Variants in CHD2 observed in about 807,000 individuals in gnomAD.
CHD2 encodes the protein chromodomain helicase DNA binding protein 2, also known as ATP-dependent chromatin remodeler CHD2.
Under a neutral mutation model 243.9 loss-of-function variants are expected in CHD2, and 28 were observed. The ratio of observed to expected loss-of-function variants is 0.11; its 90% CI spans 0.09 to 0.16. The LOEUF (loss-of-function observed/expected upper bound fraction) is 0.16. Among genes scored for constraint, CHD2 ranks in the 10% least tolerant of loss-of-function variants. CHD2 has a pLI of 1.00. For missense variants in CHD2, 1,386 were observed against 2,209.8 expected (o/e 0.63, Z 7.47); for synonymous variants, 775 against 779.0 (o/e 0.99, Z 0.09).
chr15:93,015,044 T>TAAGA, intron 37 of CHD2, 135 bp downstream of exon 37: 1 of 725,456 alleles, frequency 1.4e-6, no homozygotes, highest in Non-Finnish European at 2.3e-6. Flanking sequence ...TCTCTTTTCT[T>TAAGA]AATGAGAGAA....
chr15:92,977,040 CATATT>C (rs1381209723), intron 20 of CHD2, among the ~76,000 whole-genome samples: 5 of 152,036 alleles, frequency 3.3e-5, no homozygotes, highest in African/African-American at 9.7e-5. Flanking sequence ...ATGCAGACGA[CATATT>C]ATAATCCACG....
At chr15:93,004,457 G>GT in intron 33 of CHD2, 160 bp from the exon 34 acceptor site, 1 of 578,258 alleles carries the variant, frequency 1.7e-6, no homozygotes, top group Non-Finnish European at 2.8e-6. Flanking sequence ...AATCAGACAG[G>GT]TTTGTCTTCA....
chr15:92,949,284 A>C (rs147332348), intron 13 of CHD2: 2 of 1,251,124 alleles, frequency 1.6e-6, no homozygotes, highest in Non-Finnish European at 1.0e-6. Context: ...ATTCTGATCT[A>C]AAGAATACTT....
intron 8 of CHD2, among the ~76,000 whole-genome samples, chr15:92,942,439 C>T (rs530670951): frequency 4.3e-5 from 6 of 138,402 alleles, no homozygotes; most frequent in African/African-American, 1.1e-4. Flanking sequence ...ATTCTGGCTT[C>T]GATTGAGGTT....
intron 2 of CHD2, among the ~76,000 whole-genome samples, chr15:92,913,211 G>A (rs1290267353): frequency 6.6e-6 from 1 of 152,172 alleles, no homozygotes; most frequent in East Asian, 1.9e-4. Context: ...AATAAGGTCA[G>A]TGTGGGACGG....
chr15:92,936,055 GA>G (rs1169348548), intron 5 of CHD2, among the ~76,000 whole-genome samples: 1 of 152,100 alleles, frequency 6.6e-6, no homozygotes, highest in Non-Finnish European at 1.5e-5. Flanking sequence ...AATGCATATG[GA>G]AACACGCAGT....
rs888826818 is a variant in CHD2 at position 93,025,058 on chromosome 15, A to G, written c.*353A>G. 6 of 241,020 alleles carry G rather than the reference A, an allele frequency of 2.5e-5. No homozygotes were observed. Among genetic ancestry groups the G allele is most frequent in the Admixed American group, 5.5e-5 (1 of 18,298 alleles). The allele number at this position is 241,020 out of a possible 1,614,324, so 14.9% of individuals were successfully genotyped here. On this transcript the variant is annotated 3_prime_UTR_variant, in exon 39 of 39. Transcript: ENST00000394196. ...TCAGAGTCATGAATGTTTTCTTGCC[A>G]GGGTCAGTGTTCCCAGGACCTTAGT... is the stretch of plus-strand genomic sequence containing the variant.
rs1596399266 is a variant in CHD2, at chr15:92,946,068, A to T, written c.1229A>T (p.Glu410Val). 6.3e-7 allele frequency: 1 copy of T among 1,598,950 alleles called. No individual in the cohort carries two copies. The highest frequency in any genetic ancestry group is 8.5e-7 in the Non-Finnish European group (1 of 1,171,316). ...AHSRKPAPSN[E>V]PEYLCKWMGL... ...AGTCGGAAGCCGGCACCCTCAAATG[A>T]GCCCGAATATCTATGTAAATGGATG... The change falls in exon 12 of 39, where the codon GAG becomes GTG. Residue 410 changes from glutamate to valine, a missense_variant. Coordinates refer to ENST00000394196, the MANE Select transcript of CHD2 (RefSeq NM_001271.4).
intron 2 of CHD2, among the ~76,000 whole-genome samples, chr15:92,923,413 A>G (rs540808623): frequency 2.0e-4 from 31 of 152,044 alleles, no homozygotes; most frequent in African/African-American, 7.5e-4. Flanking sequence ...GGCATGCACC[A>G]TCATACCCAG....
chr15:92,942,371 A>G (rs1460742858), intron 8 of CHD2, among the ~76,000 whole-genome samples: 1 of 151,854 alleles, frequency 6.6e-6, no homozygotes, highest in Non-Finnish European at 1.5e-5. Flanking sequence ...TGTAAAGGAA[A>G]TACCAAAATA....
At chr15:92,967,250 A>AT (rs904533702) in intron 16 of CHD2, 75 bp from the exon 17 acceptor site, 39 of 1,083,794 alleles carry the variant, frequency 3.6e-5, no homozygotes, top group East Asian at 2.8e-4. Context: ...GGAAAGATTC[A>AT]TTTTTTTACA....
At chr15:93,015,236 G>A (rs897485651) in intron 37 of CHD2, among the ~76,000 whole-genome samples, 4 of 152,192 alleles carry the variant, frequency 2.6e-5, no homozygotes, top group East Asian at 1.9e-4. Context: ...GCACCACCAC[G>A]CTGAGCTAAT....
At chr15:92,950,549 G>C (rs1054314271) in intron 13 of CHD2, 1 of 152,020 alleles carries the variant, frequency 6.6e-6, no homozygotes, top group Non-Finnish European at 1.5e-5. Context: ...TTTAGAATTA[G>C]AAGTACAGGC....
intron 32 of CHD2, 76 bp from the exon 33 acceptor site, chr15:93,002,101 T>A: frequency 6.6e-7 from 1 of 1,525,274 alleles, no homozygotes. Context: ...CTGGGGGCAG[T>A]GCTTCTTTTT....
intron 2 of CHD2, among the ~76,000 whole-genome samples, chr15:92,923,894 T>A (rs139141862): frequency 1.2e-4 from 18 of 152,232 alleles, no homozygotes; most frequent in Admixed American, 3.9e-4. Context: ...TGTGTTTTGT[T>A]TTTTTCTTGT....
chr15:92,933,709 G>C (rs2053217471), intron 5 of CHD2, among the ~76,000 whole-genome samples: 3 of 152,134 alleles, frequency 2.0e-5, no homozygotes. Context: ...GGGCTCAAGT[G>C]ATTCTCCCAC....
chr15:93,004,462 T>A, intron 33 of CHD2, 155 bp from the exon 34 acceptor site: 2 of 608,938 alleles, frequency 3.3e-6, no homozygotes, highest in South Asian at 7.3e-5. Flanking sequence ...GACAGGTTTG[T>A]CTTCATGATG....
At chr15:92,966,307 G>A (rs896336653) in intron 16 of CHD2, among the ~76,000 whole-genome samples, 5 of 151,660 alleles carry the variant, frequency 3.3e-5, no homozygotes, top group African/African-American at 4.8e-5. Flanking sequence ...CAGGTGATCC[G>A]CCCGCCTCAG....
chr15:92,996,401 C>T (rs1415294682), intron 28 of CHD2, among the ~76,000 whole-genome samples: 1 of 152,006 alleles, frequency 6.6e-6, no homozygotes, highest in Admixed American at 6.6e-5. Flanking sequence ...ACCTCGTGAT[C>T]TGCCTGCCTC....
Sources: gnomAD v4.1 joint callset for allele counts (sites outside exome capture counted in the v4.1 genomes callset) on GRCh38, gnomAD v4.1.1 for gene constraint, MANE v1.5 for transcripts, NCBI Gene and HGNC (gene_info 2026-07-23, HGNC 2026-07-21) for gene names.